DAB1: variants seen among roughly 807,000 people sequenced by gnomAD.
DAB1 encodes the protein DAB adaptor protein 1, also known as disabled homolog 1.
DAB1 carries 15 observed loss-of-function variants against 64.6 expected under a neutral mutation model. The ratio of observed to expected loss-of-function variants is 0.23; its 90% CI spans 0.16 to 0.36. The LOEUF (loss-of-function observed/expected upper bound fraction) is 0.36. Among genes scored for constraint, DAB1 ranks in the 10% least tolerant of loss-of-function variants. The pLI is 1.00. For missense variants in DAB1, 596 were observed against 706.7 expected, an observed-to-expected ratio of 0.84 and a Z score of 1.78; for synonymous variants, 235 against 251.9, an observed-to-expected ratio of 0.93 and a Z score of 0.64.
intron 7 of DAB1, among the ~76,000 whole-genome samples, chr1:57,596,840 A>G (rs770896367): frequency 5.3e-5 from 8 of 152,232 alleles, no homozygotes; most frequent in Non-Finnish European, 1.0e-4. Context: ...ACACTATTTA[A>G]TGAATCAATG....
chr1:57,381,815 C>T (rs572857313), intron 1 of DAB1, among the ~76,000 whole-genome samples: 84 of 152,194 alleles, frequency 5.5e-4, no homozygotes, highest in African/African-American at 1.9e-3. Context: ...GCATTGGTTT[C>T]GACATTTATC....
intron 5 of DAB1, among the ~76,000 whole-genome samples, chr1:58,000,725 T>C (rs776606360): frequency 5.3e-5 from 8 of 151,848 alleles, no homozygotes; most frequent in Non-Finnish European, 1.0e-4. Flanking sequence ...CATGTGCCAC[T>C]GCACCCAGCT....
rs1553159212 is a variant in DAB1 at position 58,091,968 on chromosome 1, A to ACACACACACAC, written n.387+58542_387+58543insGTGTGTGTGTG. Among the ~76,000 whole-genome samples the ACACACACACAC allele has an allele frequency of 7.3e-4, 110 of 151,470 alleles. 2 individuals are homozygous for ACACACACACAC. The highest frequency in any genetic ancestry group is 2.5e-3 in the African/African-American group (103 of 41,168). On this transcript the variant is annotated intron_variant and non_coding_transcript_variant, in intron 5 of 20. Transcript: ENST00000485760. ...CACACACACACACACACACACACAC[A>ACACACACACAC]AACTAACATAGCTTAAGTAGCTTTA...
At chr1:58,106,902 C>CTCCT (rs111959355) in intron 5 of DAB1, among the ~76,000 whole-genome samples, 35,688 of 146,714 alleles carry the variant, frequency 0.24, 5,048 homozygotes, top group East Asian at 0.48. Flanking sequence ...TCCTCTCTCC[C>CTCCT]TCCTTCCTTC....
intron 2 of DAB1, among the ~76,000 whole-genome samples, chr1:57,169,408 A>C (rs998438852): frequency 1.3e-5 from 2 of 152,222 alleles, no homozygotes; most frequent in African/African-American, 4.8e-5. Context: ...CTCTACTTTA[A>C]AGATGAGGAA....
At chr1:57,111,112 G>A (rs914002862) in intron 4 of DAB1, among the ~76,000 whole-genome samples, 12 of 151,932 alleles carry the variant, frequency 7.9e-5, no homozygotes, top group African/African-American at 1.2e-4. Context: ...GAGAGGAGCC[G>A]TTTGAGCCAG....
At chr1:57,723,196 T>G (rs1924264) in intron 6 of DAB1, among the ~76,000 whole-genome samples, 5,958 of 152,274 alleles carry the variant, frequency 0.039, 298 homozygotes, top group African/African-American at 0.11. Context: ...TAAAGTAGAC[T>G]TGAAGCTTCC....
chr1:57,337,120 C>G (rs1483921914), intron 1 of DAB1, among the ~76,000 whole-genome samples: 2 of 152,202 alleles, frequency 1.3e-5, no homozygotes, highest in Non-Finnish European at 2.9e-5. Context: ...GAATCCAAAC[C>G]TCTCATCAAC....
intron 6 of DAB1, among the ~76,000 whole-genome samples, chr1:57,703,676 C>T (rs1161256028): frequency 2.6e-5 from 4 of 152,090 alleles, no homozygotes; most frequent in African/African-American, 9.7e-5. Flanking sequence ...CCCAGCAATC[C>T]TATTACTGGT....
intron 5 of DAB1, among the ~76,000 whole-genome samples, chr1:58,005,429 C>T (rs1437828906): frequency 4.6e-5 from 7 of 152,076 alleles, no homozygotes; most frequent in Admixed American, 4.6e-4. Context: ...TCCTTTACAG[C>T]ACTGAGAGCC....
At chr1:57,377,540 C>T (rs1291715389) in intron 1 of DAB1, among the ~76,000 whole-genome samples, 2 of 152,188 alleles carry the variant, frequency 1.3e-5, no homozygotes, top group African/African-American at 2.4e-5. Flanking sequence ...TAGTCTTCAG[C>T]TCCTGCTACT....
chr1:57,879,259 G>A (rs1015408566), intron 1 of DAB1, among the ~76,000 whole-genome samples: 3 of 152,102 alleles, frequency 2.0e-5, no homozygotes, highest in African/African-American at 7.2e-5. Flanking sequence ...ATGGGTGGAA[G>A]GGCTGTCTGC....
At chr1:58,229,541 T>C (rs1346329947) in intron 4 of DAB1, among the ~76,000 whole-genome samples, 1 of 151,574 alleles carries the variant, frequency 6.6e-6, no homozygotes, top group East Asian at 1.9e-4. Context: ...TCACTGGGGG[T>C]GATGGGAATA....
intron 2 of DAB1, among the ~76,000 whole-genome samples, chr1:57,201,104 G>A (rs183515588): frequency 2.3e-4 from 35 of 152,320 alleles, no homozygotes; most frequent in East Asian, 1.4e-3. Flanking sequence ...CTAAGTGATA[G>A]CAAGGTCTGT....
intron 5 of DAB1, among the ~76,000 whole-genome samples, chr1:57,945,791 C>G (rs1436445704): frequency 6.6e-6 from 1 of 152,174 alleles, no homozygotes; most frequent in Admixed American, 6.5e-5. Flanking sequence ...ACCTGTCAAT[C>G]CCAGAATAGA....
intron 4 of DAB1, among the ~76,000 whole-genome samples, chr1:58,248,305 C>T (rs563769980): frequency 6.6e-6 from 1 of 152,260 alleles, no homozygotes; most frequent in Admixed American, 6.5e-5. Flanking sequence ...GCATGTACTG[C>T]TCAGCTACTC....
intron 4 of DAB1, among the ~76,000 whole-genome samples, chr1:57,135,477 A>G (rs2100793416): frequency 6.6e-6 from 1 of 152,334 alleles, no homozygotes; most frequent in South Asian, 2.1e-4. Flanking sequence ...CTGTATGTAT[A>G]TACAACATTT....
At chr1:57,122,849 G>A (rs755358402) in intron 4 of DAB1, among the ~76,000 whole-genome samples, 1 of 152,024 alleles carries the variant, frequency 6.6e-6, no homozygotes, top group Non-Finnish European at 1.5e-5. Flanking sequence ...AAAAAATAAT[G>A]CACATCATCA....
At chr1:57,961,966 C>T (rs2100275122) in intron 5 of DAB1, among the ~76,000 whole-genome samples, 1 of 132,616 alleles carries the variant, frequency 7.5e-6, no homozygotes, top group African/African-American at 2.6e-5. Context: ...GAGTGAAACT[C>T]TGTCTCAAAA....
Sources: allele counts gnomAD v4.1 joint callset (sites outside exome capture counted in the v4.1 genomes callset), GRCh38; gene constraint gnomAD v4.1.1; transcripts MANE v1.5; gene names NCBI Gene and HGNC (gene_info 2026-07-23, HGNC 2026-07-21).